CCP110: variants seen among roughly 807,000 people sequenced by gnomAD.
The protein encoded by CCP110 is centriolar coiled-coil protein 110, also known as centriolar coiled-coil protein of 110 kDa.
Under a neutral mutation model 105.5 loss-of-function variants are expected in CCP110, and 43 were observed. That is an observed-to-expected ratio of 0.41 (90% CI 0.32 to 0.53). CCP110 has a LOEUF of 0.53. Among genes scored for constraint, CCP110 ranks in the 20% least tolerant of loss-of-function variants. CCP110 has a pLI of 0.32. For synonymous variants in CCP110, 353 were observed against 392.1 expected (o/e 0.90, Z 1.18); for missense variants, 1,016 against 1,189.1 (o/e 0.85, Z 2.14).
rs1567367859 is a variant in CCP110, at chr16:19,548,814, T to C, written c.2986+214T>C. 6.6e-6 allele frequency among the ~76,000 whole-genome samples: 1 copy of C among 152,252 alleles called. No homozygotes were observed. The highest frequency in any genetic ancestry group is 1.9e-4 in the East Asian group (1 of 5,206). On this transcript the variant is annotated intron_variant, in intron 14 of 14. Transcript: ENST00000381396. This position sits in a 1 kb window ranked among gnomAD's most constrained non-coding sequence, Gnocchi z 4.1. ...GTGATTCCAGTCTTCATTTCTATAA[T>C]ATTTCTGTGGAAAGCACCTTGTATT...
chr16:19,527,746 T>C, intron 1 of CCP110, 121 bp from the exon 2 acceptor site: 1 of 644,500 alleles, frequency 1.6e-6, no homozygotes. Flanking sequence ...AAGACAATTC[T>C]GGGAGGACCA....
exon 11 of CCP110, chr16:19,545,881 A>G: frequency 1.3e-6 from 2 of 1,596,496 alleles, no homozygotes; most frequent in South Asian, 2.2e-5. Context: ...GATAGGAAGA[A>G]ATACATGAAG....
At position 19,548,117 on chromosome 16, in the gene CCP110, C is replaced by A; in HGVS notation, c.2900+103C>A. The A allele has an allele frequency of 2.3e-6, 2 of 865,926 alleles. No homozygotes were observed. The highest frequency in any genetic ancestry group is 1.5e-5 in the South Asian group (1 of 68,368). The allele number at this position is 865,926 out of a possible 1,614,324, so 53.6% of individuals were successfully genotyped here. A position where few individuals can be genotyped will look rare whatever the true frequency, so the allele number is the denominator to read the frequency against. ...CTTTATGTAAAGGATAATGGTTTTT[C>A]AATGGGATTTTTTTTCTTTATAGCA... is the stretch of plus-strand genomic sequence containing the variant. On this transcript the variant is annotated intron_variant, in intron 13 of 14. Transcript: ENST00000381396. This position sits in a 1 kb window ranked among gnomAD's most constrained non-coding sequence, Gnocchi z 4.1.
intron 14 of CCP110, among the ~76,000 whole-genome samples, chr16:19,549,626 T>G (rs1268392703): frequency 1.3e-5 from 2 of 152,254 alleles, no homozygotes; most frequent in Admixed American, 6.5e-5. Context: ...TACTGTTTAC[T>G]CCAGAGGCAG....
Position 19,536,838 on chromosome 16 carries a change from T to C in CCP110, c.1169T>C (p.Ile390Thr), listed in dbSNP as rs761214278. Residue 390 changes from isoleucine to threonine, a missense_variant, in exon 4 of 15, where the codon ATA becomes ACA. By Grantham distance (89) the Ile-to-Thr change is moderately conservative. Coordinates refer to ENST00000381396, the Ensembl canonical transcript of CCP110. Reference sequence around the variant, plus strand: ...ACATCATCAGCGTGTCATATACTTATAAATAACCCAATAAATGCCTGTGAA... The same window carrying C: ...ACATCATCAGCGTGTCATATACTTACAAATAACCCAATAAATGCCTGTGAA... 57 of 1,613,982 alleles carry C rather than the reference T, an allele frequency of 3.5e-5. No homozygotes were observed. Among genetic ancestry groups the C allele is most frequent in the Admixed American group, 5.0e-5 (3 of 59,982 alleles).
rs1387686163 is a variant in CCP110, at chr16:19,536,285, T to C, written c.616T>C (p.Ser206Pro). 9 of 1,613,556 alleles carry C rather than the reference T, an allele frequency of 5.6e-6. No homozygotes were observed. The East Asian group carries it at 2.0e-4, about 36-fold the overall frequency. ...AACTCTTATTTCTGATGGTCCCTTC[T>C]CAGTAAATGAACAACAGGATCTACC... The change falls in exon 4 of 15, where the codon TCA becomes CCA. Residue 206 changes from serine (S) to proline (P), a missense_variant. By Grantham distance (74) the Ser-to-Pro change is moderately conservative (BLOSUM62 -1). Transcript: ENST00000381396.
chr16:19,536,495 G>A, exon 4 of CCP110: 23 of 1,614,096 alleles, frequency 1.4e-5, no homozygotes, highest in Non-Finnish European at 1.9e-5. Context: ...CTGTGTAAAA[G>A]AGAAAGGCCA....
intron 4 of CCP110, among the ~76,000 whole-genome samples, chr16:19,538,834 C>T (rs888837705): frequency 5.9e-5 from 9 of 151,598 alleles, no homozygotes; most frequent in Admixed American, 3.3e-4. Context: ...TTCTTTAGGC[C>T]GGCGCGGTTG....
chr16:19,537,488 G>A, exon 4 of CCP110: 1 of 1,611,006 alleles, frequency 6.2e-7, no homozygotes, highest in Non-Finnish European at 8.5e-7. Flanking sequence ...CATAACAAGT[G>A]GAATAACTGA....
chr16:19,545,711 G>A (rs1338259075), intron 10 of CCP110, 106 bp from the exon 11 acceptor site: 2 of 680,370 alleles, frequency 2.9e-6, no homozygotes, highest in Middle Eastern at 3.7e-4. Context: ...AATTAAAAAT[G>A]TTAGTAGAGA....
exon 10 of CCP110, chr16:19,545,167 A>G (rs972862361): frequency 1.9e-6 from 3 of 1,611,264 alleles, no homozygotes; most frequent in Non-Finnish European, 2.5e-6. Flanking sequence ...TCTATTCTAC[A>G]TCATGATCGA....
At chr16:19,537,827 A>G (rs1970130451) in intron 4 of CCP110, among the ~76,000 whole-genome samples, 1 of 152,180 alleles carries the variant, frequency 6.6e-6, no homozygotes, top group South Asian at 2.1e-4. Flanking sequence ...GCATGACTTC[A>G]GCTCACTACA....
intron 12 of CCP110, 79 bp from the exon 13 acceptor site, chr16:19,547,876 A>G: frequency 3.1e-6 from 3 of 979,954 alleles, no homozygotes; most frequent in Non-Finnish European, 5.0e-6. Context: ...TACAGTCATC[A>G]TCTTTCATCC....
At chr16:19,541,068 A>C (rs1249430246) in intron 5 of CCP110, among the ~76,000 whole-genome samples, 2 of 152,184 alleles carry the variant, frequency 1.3e-5, no homozygotes, top group African/African-American at 2.4e-5. Flanking sequence ...GCTAAAGTAC[A>C]CATTCTGCAG....
intron 2 of CCP110, among the ~76,000 whole-genome samples, chr16:19,531,562 CT>C (rs1226831363): frequency 6.6e-6 from 1 of 152,218 alleles, no homozygotes; most frequent in Non-Finnish European, 1.5e-5. Context: ...AATATATTAT[CT>C]GTTTATTTTA....
In CCP110 at chr16:19,545,206, A is replaced by G. The variant is rs758814543; in HGVS notation, c.2699A>G (p.Gln900Arg). The change falls in exon 10 of 15, where the codon CAA (glutamine) becomes CGA (arginine). Residue 900 changes from glutamine (Q) to arginine (R), a missense_variant. Gln to Arg is a conservative substitution (Grantham distance 43, BLOSUM62 1). Transcript: ENST00000381396. ...GTTCGCAAAGAGAAAATGCTCAGGC[A>G]AATGGTATGTTATATGATTTCTAAT... 4 of 1,540,782 alleles carry G rather than the reference A, an allele frequency of 2.6e-6. No homozygotes were observed. The South Asian group carries it at 4.5e-5, about 17-fold the overall frequency.
chr16:19,538,524 G>A (rs1324864130), intron 4 of CCP110, among the ~76,000 whole-genome samples: 1 of 151,234 alleles, frequency 6.6e-6, no homozygotes, highest in Non-Finnish European at 1.5e-5. Flanking sequence ...TGGCCAGGCT[G>A]CTCTCAAGCT....
chr16:19,533,064 A>C (rs1471459430), intron 3 of CCP110, among the ~76,000 whole-genome samples: 1 of 152,236 alleles, frequency 6.6e-6, no homozygotes, highest in Non-Finnish European at 1.5e-5. Flanking sequence ...TTATTTTTAG[A>C]TTTGTATAAA....
chr16:19,539,044 G>A (rs944442994), intron 4 of CCP110, among the ~76,000 whole-genome samples: 4 of 151,650 alleles, frequency 2.6e-5, no homozygotes, highest in Non-Finnish European at 4.4e-5. Flanking sequence ...CCCAGGAGGC[G>A]GAGGTTGCAG....
Sources: gnomAD v4.1 joint callset for allele counts (sites outside exome capture counted in the v4.1 genomes callset) on GRCh38, gnomAD v4.1.1 for gene constraint, Gnocchi (gnomAD v3.1) non-coding constraint, MANE v1.5 for transcripts, NCBI Gene and HGNC (gene_info 2026-07-23, HGNC 2026-07-21) for gene names.